Variants in SND1 observed in about 807,000 individuals in gnomAD.
SND1 encodes the protein staphylococcal nuclease and tudor domain containing 1.
A neutral mutation model predicts 121.7 loss-of-function variants in SND1; 38 were observed. The observed-to-expected ratio is 0.31, with a 90% confidence interval of 0.24 to 0.41. The LOEUF is 0.41. Ranked by LOEUF, SND1 falls within the 10% of genes least tolerant of loss-of-function variation. The pLI is 1.00. For synonymous variants in SND1, 401 were observed against 447.4 expected (o/e 0.90, Z 1.31); for missense variants, 868 against 1,184.6 (o/e 0.73, Z 3.92).
chr7:128,010,205 A>C (rs563741410), intron 16 of SND1, among the ~76,000 whole-genome samples: 1 of 152,240 alleles, frequency 6.6e-6, no homozygotes, highest in Non-Finnish European at 1.5e-5. Flanking sequence ...CACTTGTTGA[A>C]TGCTTATAAT....
intron 16 of SND1, among the ~76,000 whole-genome samples, chr7:128,039,680 A>C (rs557264599): frequency 4.5e-4 from 68 of 152,302 alleles, no homozygotes; most frequent in Non-Finnish European, 6.8e-4. Context: ...GCACAAATAC[A>C]CATTATCTGT....
chr7:128,030,560 T>C (rs1350246592), intron 16 of SND1: 2 of 1,612,240 alleles, frequency 1.2e-6, no homozygotes, highest in Non-Finnish European at 1.7e-6. Flanking sequence ...GAATCCACAC[T>C]TGCGCCGTGA....
intron 16 of SND1, chr7:127,998,189 A>G (rs1187484287): frequency 6.1e-6 from 2 of 326,804 alleles, no homozygotes; most frequent in African/African-American, 2.2e-5. Flanking sequence ...GTTGTCCTTT[A>G]TGGTTCTTTA....
intron 15 of SND1, among the ~76,000 whole-genome samples, chr7:127,956,796 C>T (rs1176274822): frequency 6.6e-6 from 1 of 152,188 alleles, no homozygotes; most frequent in African/African-American, 2.4e-5. Flanking sequence ...TACCTTCTTC[C>T]TTGACACTAT....
At position 128,081,528 on chromosome 7, in the gene SND1, G is replaced by A. The variant is rs1286863431; in HGVS notation, c.2110+27G>A. 3 of 1,612,044 alleles carry A rather than the reference G, an allele frequency of 1.9e-6. No homozygotes were observed. The East Asian group carries it at 6.7e-5, about 36-fold the overall frequency. On this transcript the variant is annotated intron_variant, in intron 18 of 23. Transcript: ENST00000354725. The stretch of plus-strand genomic sequence containing the variant: ...TGAGTGCTCAGGCCGCTGGCTCGTG[G>A]TTCCTGGCTTGGTCCAGCTGGCGCT...
chr7:127,828,447 G>A (rs1442329053), intron 11 of SND1, among the ~76,000 whole-genome samples: 1 of 151,920 alleles, frequency 6.6e-6, no homozygotes, highest in Non-Finnish European at 1.5e-5. Context: ...AGTGATTTCT[G>A]TGAAGATCTT....
At chr7:127,679,629 GT>G (rs1795677178) in intron 1 of SND1, among the ~76,000 whole-genome samples, 1 of 152,090 alleles carries the variant, frequency 6.6e-6, no homozygotes, top group Non-Finnish European at 1.5e-5. Flanking sequence ...ACTAGTCTAT[GT>G]TCTGTCTATG....
Position 128,029,845 on chromosome 7 carries a change from C to G in SND1, c.1779+38789C>G. 6.2e-7 allele frequency: 1 copy of G among 1,613,496 alleles called. No individual in the cohort carries two copies. Among genetic ancestry groups the G allele is most frequent in the Non-Finnish European group, 8.5e-7 (1 of 1,180,016 alleles). On this transcript the variant is annotated intron_variant, in intron 16 of 23. Transcript: ENST00000354725. The surrounding 1 kb of genome is among the most constrained non-coding windows in gnomAD (Gnocchi z 4.2). ...GCCAAGTTGAGTTCCACAAGTGAAG[C>G]CAGCCCGTCAAAAGCATTCCGCTCA...
At chr7:127,918,534 C>A (rs559586483) in intron 14 of SND1, among the ~76,000 whole-genome samples, 2 of 152,202 alleles carry the variant, frequency 1.3e-5, no homozygotes, top group African/African-American at 4.8e-5. Context: ...TTATTTATTT[C>A]TTTTTCTTTT....
Position 127,894,809 on chromosome 7 carries a change from C to CT in SND1, c.1454+6812dup, listed in dbSNP as rs11302537. The stretch of plus-strand genomic sequence containing the variant: ...TTGCATTCATTTCTTCTCTTTATTC[C>CT]TTTTTTTTTTTTTTTCTTTTAAGTG... On this transcript the variant is annotated intron_variant, in intron 13 of 23. Coordinates refer to ENST00000354725, the MANE Select transcript of SND1 (RefSeq NM_014390.4). Among the ~76,000 whole-genome samples, 570 of 141,546 alleles carry CT rather than the reference C, an allele frequency of 4.0e-3. 2 individuals are homozygous for CT. The highest frequency in any genetic ancestry group is 5.8e-3 in the Non-Finnish European group (378 of 64,644). 92.9% of individuals were successfully genotyped at this position (141,546 alleles called of 152,430 possible).
chr7:127,714,914 G>T (rs1387540014), intron 9 of SND1, among the ~76,000 whole-genome samples: 1 of 152,158 alleles, frequency 6.6e-6, no homozygotes, highest in African/African-American at 2.4e-5. Flanking sequence ...ACACACTTGG[G>T]TTGCTTCTAC....
intron 11 of SND1, among the ~76,000 whole-genome samples, chr7:127,830,438 T>C (rs1176069123): frequency 6.6e-6 from 1 of 152,148 alleles, no homozygotes; most frequent in Non-Finnish European, 1.5e-5. Flanking sequence ...TACCTTATAA[T>C]TGCACCTTTG....
chr7:127,838,411 G>T (rs188978477), intron 11 of SND1, among the ~76,000 whole-genome samples: 57 of 152,266 alleles, frequency 3.7e-4, no homozygotes, highest in Non-Finnish European at 7.3e-5. Context: ...ATCCTACACT[G>T]TTAAGCCCAA....
intron 1 of SND1, among the ~76,000 whole-genome samples, 181 bp from the exon 2 acceptor site, chr7:127,686,432 T>G (rs1795813659): frequency 6.6e-6 from 1 of 152,198 alleles, no homozygotes; most frequent in Non-Finnish European, 1.5e-5. Flanking sequence ...CCAGGCTTTA[T>G]GTAGGTATTT....
intron 16 of SND1, among the ~76,000 whole-genome samples, chr7:128,050,766 C>A (rs1490898865): frequency 6.6e-6 from 1 of 152,210 alleles, no homozygotes; most frequent in Non-Finnish European, 1.5e-5. Context: ...ACCCAGCCAG[C>A]CTTTTCCAGA....
At position 127,700,547 on chromosome 7, in the gene SND1, T is replaced by TA. The variant is rs540938542; in HGVS notation, c.429-609dup. 1.8e-3 allele frequency among the ~76,000 whole-genome samples: 274 copies of TA among 152,336 alleles called. 1 individual carries two copies. Among genetic ancestry groups the TA allele is most frequent in the African/African-American group, 6.3e-3 (262 of 41,570 alleles). On this transcript the variant is annotated intron_variant, in intron 4 of 23. Coordinates refer to ENST00000354725, the MANE Select transcript of SND1 (RefSeq NM_014390.4). ...AAAGAGGAGCCATTTCTAGCCTTTTTAAAAAAACTTGATTTGATTTGTCTA... is the reference window on the plus strand; with the variant it reads ...AAAGAGGAGCCATTTCTAGCCTTTTTAAAAAAAACTTGATTTGATTTGTCTA...
At chr7:128,014,444 G>A (rs3779525) in intron 16 of SND1, among the ~76,000 whole-genome samples, 10,145 of 152,232 alleles carry the variant, frequency 0.067, 425 homozygotes, top group Middle Eastern at 0.19. Context: ...CGAGCCTGGC[G>A]CTGAGAAGCA....
At chr7:127,652,598 T>C in intron 1 of SND1, 147 bp downstream of exon 1, 2 of 687,592 alleles carry the variant, frequency 2.9e-6, no homozygotes, top group Non-Finnish European at 4.8e-6. Flanking sequence ...CCGAATCCTC[T>C]CACTAGACGG....
intron 11 of SND1, among the ~76,000 whole-genome samples, chr7:127,840,726 T>G (rs1798949300): frequency 6.6e-6 from 1 of 152,190 alleles, no homozygotes; most frequent in Admixed American, 6.5e-5. Flanking sequence ...GATCTCAGAA[T>G]CCACAGGGGA....
Sources: allele counts gnomAD v4.1 joint callset (sites outside exome capture counted in the v4.1 genomes callset), GRCh38; gene constraint gnomAD v4.1.1; non-coding constraint Gnocchi (gnomAD v3.1); transcripts MANE v1.5; gene names NCBI Gene and HGNC (gene_info 2026-07-23, HGNC 2026-07-21).